Variants in NOP14 observed in about 807,000 individuals in gnomAD.
NOP14 encodes NOP14 nucleolar protein.
Under a neutral mutation model 101.6 loss-of-function variants are expected in NOP14, and 57 were observed. That is an observed-to-expected ratio of 0.56 (90% CI 0.45 to 0.70). The LOEUF is 0.70. NOP14 is among the 30% of genes least tolerant of loss of function. NOP14 has a pLI of 0.00. For synonymous variants in NOP14, 428 were observed against 424.0 expected, an observed-to-expected ratio of 1.01 and a Z score of -0.12; for missense variants, 1,134 against 1,075.5, an observed-to-expected ratio of 1.05 and a Z score of -0.76.
rs1370340459 is a variant in NOP14, at chr4:2,944,054, C to G, written c.1891+19G>C. ...TAAAGTATAACATATTTGTAGGAAC[C>G]TCCCTCAAATCAACTCACCTTGGCT... On this transcript the variant is annotated intron_variant, in intron 13 of 17. Transcript: ENST00000416614. 3 of 1,582,844 alleles carry G rather than the reference C, an allele frequency of 1.9e-6. No homozygotes were observed. The African/African-American group carries it at 4.1e-5, about 22-fold the overall frequency.
In NOP14 at chr4:2,939,226, C is replaced by T. The variant is rs1027215629; in HGVS notation, c.2436G>A (p.Gln812=). The T allele has an allele frequency of 1.2e-6, 2 of 1,613,902 alleles. No homozygotes were observed. Among genetic ancestry groups the T allele is most frequent in the Non-Finnish European group, 1.7e-6 (2 of 1,180,056 alleles). ...CTGAGAGTTGCATCCTCGCCAGGAA[C>T]TGATTGTCCTTGCGGATTTCTCGAA... The part of the protein sequence containing the change: ...GAVREIRKDN[Q]FLARMQLSEI... The change falls in exon 17 of 18, where the codon CAG becomes CAA. Residue 812 remains glutamine (Q), a synonymous_variant. Coordinates refer to ENST00000416614, the MANE Select transcript of NOP14 (RefSeq NM_001291978.2).
Position 2,963,286 on chromosome 4 carries a change from T to G in NOP14, c.34A>C (p.Lys12Gln), listed in dbSNP as rs755075135. The change falls in exon 1 of 18, where the codon AAG (lysine) becomes CAG (glutamine). Residue 12 changes from lysine to glutamine, a missense_variant. Transcript: ENST00000416614. ...AKAKKVGARR[K>Q]ASGAPAGARG... is the part of the protein sequence containing the mutation. ...GCTCCCGCCGGCGCCCCGGAGGCCTTCCTTCGCGCCCCGACCTTCTTCGCC... is the reference window on the plus strand; with the variant it reads ...GCTCCCGCCGGCGCCCCGGAGGCCTGCCTTCGCGCCCCGACCTTCTTCGCC... 6.3e-7 allele frequency: 1 copy of G among 1,593,036 alleles called. No homozygotes were observed. The highest frequency in any genetic ancestry group is 1.7e-5 in the Admixed American group (1 of 57,198).
intron 13 of NOP14, among the ~76,000 whole-genome samples, chr4:2,943,721 C>T (rs918634023): frequency 5.3e-5 from 8 of 152,248 alleles, no homozygotes; most frequent in Non-Finnish European, 1.2e-4. Flanking sequence ...CCTTATCTAA[C>T]CCCAAATACC....
rs1413665370 is a variant in NOP14, at chr4:2,960,861, TTAA to T, written c.195+2261_195+2263del. 1.3e-4 allele frequency among the ~76,000 whole-genome samples: 14 copies of T among 111,594 alleles called. 1 individual carries two copies. Among genetic ancestry groups the T allele is most frequent in the South Asian group, 2.4e-4 (1 of 4,186 alleles). 73.2% of individuals were successfully genotyped at this position (111,594 alleles called of 152,430 possible). A position where few individuals can be genotyped will look rare whatever the true frequency, so the allele number is the denominator to read the frequency against. On this transcript the variant is annotated intron_variant, in intron 1 of 17. Coordinates refer to ENST00000416614, the MANE Select transcript of NOP14 (RefSeq NM_001291978.2). ...ATATTATAATCACATTATCAATATA[TTAA>T]TATTATAATTACATTATTATTATAT...
intron 12 of NOP14, among the ~76,000 whole-genome samples, chr4:2,944,741 T>C (rs1297440351): frequency 6.6e-6 from 1 of 152,162 alleles, no homozygotes; most frequent in South Asian, 2.1e-4. Context: ...CTTCCACCCA[T>C]ACAGAGCGTA....
chr4:2,953,376 C>T (rs1715151366), intron 5 of NOP14, 135 bp downstream of exon 5: 4 of 862,602 alleles, frequency 4.6e-6, no homozygotes, highest in East Asian at 2.5e-5. Flanking sequence ...GCAGGTAATT[C>T]AGTATCAATG....
intron 5 of NOP14, among the ~76,000 whole-genome samples, chr4:2,952,860 T>C (rs532715856): frequency 6.6e-6 from 1 of 152,348 alleles, no homozygotes; most frequent in Admixed American, 6.5e-5. Context: ...AGAGAATCAC[T>C]TGAACCCAGG....
At chr4:2,941,822 C>A (rs1319363887) in intron 14 of NOP14, 93 bp from the exon 15 acceptor site, 1 of 1,421,388 alleles carries the variant, frequency 7.0e-7, no homozygotes, top group Non-Finnish European at 9.6e-7. Flanking sequence ...CCCACTTCCA[C>A]TAGGCTGAAA....
intron 15 of NOP14, 45 bp from the exon 16 acceptor site, chr4:2,939,690 C>A: frequency 6.9e-7 from 1 of 1,447,878 alleles, no homozygotes; most frequent in South Asian, 1.1e-5. Flanking sequence ...TCACCTGCTG[C>A]GTGCCCTGAG....
At chr4:2,946,834 A>G (rs920621139) in intron 10 of NOP14, 3 of 444,336 alleles carry the variant, frequency 6.8e-6, no homozygotes, top group African/African-American at 2.0e-5. Flanking sequence ...GACAGCTCCA[A>G]GGCACTTTCC....
chr4:2,950,967 C>T, intron 7 of NOP14, 147 bp downstream of exon 7: 1 of 687,576 alleles, frequency 1.5e-6, no homozygotes, highest in Non-Finnish European at 2.4e-6. Context: ...TCTGATATAC[C>T]ATAAACACCC....
intron 4 of NOP14, among the ~76,000 whole-genome samples, 159 bp downstream of exon 4, chr4:2,954,265 A>C (rs947495108): frequency 2.0e-5 from 3 of 152,256 alleles, no homozygotes; most frequent in Non-Finnish European, 2.9e-5. Flanking sequence ...TATATGCTTT[A>C]TGTGATTTTT....
intron 9 of NOP14, among the ~76,000 whole-genome samples, chr4:2,947,976 G>A (rs1315275696): frequency 6.6e-6 from 1 of 150,470 alleles, no homozygotes; most frequent in Non-Finnish European, 1.5e-5. Context: ...AGCAAAGTCT[G>A]GCTCTGCCAC....
At chr4:2,958,643 TAA>T (rs1222784667) in intron 1 of NOP14, among the ~76,000 whole-genome samples, 6 of 152,134 alleles carry the variant, frequency 3.9e-5, no homozygotes, top group African/African-American at 1.4e-4. Context: ...TAACCCGACT[TAA>T]GTGTTCCTTG....
At chr4:2,959,010 A>G (rs146633682) in intron 1 of NOP14, among the ~76,000 whole-genome samples, 359 of 152,330 alleles carry the variant, frequency 2.4e-3, no homozygotes, top group African/African-American at 8.2e-3. Flanking sequence ...GTCAACCGAA[A>G]TATTAATCAT....
rs1195379908 is a variant in NOP14, at chr4:2,953,494, C to G, written c.747+17G>C. The stretch of plus-strand genomic sequence containing the variant: ...AGCTCAGTGAGTGAAGAGTTTGTTT[C>G]AGTACTTGGCTCCCACCTTGGGTTT... On this transcript the variant is annotated intron_variant, in intron 5 of 17. Transcript: ENST00000416614. The G allele has an allele frequency of 6.2e-7, 1 of 1,613,484 alleles. No homozygotes were observed. The highest frequency in any genetic ancestry group is 2.2e-5 in the East Asian group (1 of 44,884).
At chr4:2,947,345 G>A (rs1378873162) in intron 10 of NOP14, 181 bp downstream of exon 10, 6 of 598,522 alleles carry the variant, frequency 1.0e-5, no homozygotes, top group South Asian at 6.0e-5. Context: ...AGCGGCACGT[G>A]TGAGAAGCCG....
Position 2,950,213 on chromosome 4 carries a change from C to A in NOP14, c.1003G>T (p.Asp335Tyr). Reference sequence around the variant, plus strand: ...TCTTCCTCGACATTCATCTTTCCATCCTACCAAGAGCGTGGAAACCACAGG... The same window carrying A: ...TCTTCCTCGACATTCATCTTTCCATACTACCAAGAGCGTGGAAACCACAGG... ...KDDRRLLSYK[D>Y]GKMNVEEDVQ... Residue 335 changes from aspartate (D) to tyrosine (Y), a missense_variant and splice_region_variant, in exon 8 of 18, where the codon GAT (aspartate) becomes TAT (tyrosine). Coordinates refer to ENST00000416614, the MANE Select transcript of NOP14 (RefSeq NM_001291978.2). 2.5e-6 allele frequency: 4 copies of A among 1,613,344 alleles called. No homozygotes were observed. The highest frequency in any genetic ancestry group is 3.4e-6 in the Non-Finnish European group (4 of 1,180,000).
At chr4:2,945,412 C>T (rs971005784) in intron 11 of NOP14, among the ~76,000 whole-genome samples, 183 bp from the exon 12 acceptor site, 11 of 152,282 alleles carry the variant, frequency 7.2e-5, no homozygotes, top group African/African-American at 2.2e-4. Flanking sequence ...ACCAGCTAAA[C>T]GTGCAGTGAG....
Sources: gnomAD v4.1 joint callset for allele counts (sites outside exome capture counted in the v4.1 genomes callset) on GRCh38, gnomAD v4.1.1 for gene constraint, MANE v1.5 for transcripts, NCBI Gene and HGNC (gene_info 2026-07-23, HGNC 2026-07-21) for gene names.